BRI3BP: variants seen among roughly 807,000 people sequenced by gnomAD.
BRI3BP encodes the protein BRI3-binding protein.
Under a neutral mutation model 15.8 loss-of-function variants are expected in BRI3BP, and 7 were observed. The observed-to-expected ratio is 0.44, with a 90% CI of 0.25 to 0.83. The LOEUF is 0.83. BRI3BP is among the 40% of genes least tolerant of loss of function. BRI3BP has a pLI of 0.20. For synonymous variants in BRI3BP, 192 were observed against 163.5 expected (o/e 1.17, Z -1.33); for missense variants, 320 against 339.3 (o/e 0.94, Z 0.45).
At chr12:125,013,423 C>T (rs938862093) in intron 2 of BRI3BP, among the ~76,000 whole-genome samples, 2 of 152,182 alleles carry the variant, frequency 1.3e-5, no homozygotes, top group African/African-American at 4.8e-5. Flanking sequence ...GACCAGGAGG[C>T]CACTGCTGCC....
At chr12:125,022,225 G>A (rs115375349) in intron 2 of BRI3BP, among the ~76,000 whole-genome samples, 299 of 152,184 alleles carry the variant, frequency 2.0e-3, no homozygotes, top group African/African-American at 6.3e-3. Context: ...TTTGAGAACT[G>A]CTTGTGTGAG....
intron 2 of BRI3BP, among the ~76,000 whole-genome samples, chr12:125,022,541 A>ATTTATTTATTTTATTTTATT: frequency 1.4e-5 from 2 of 139,404 alleles, no homozygotes; most frequent in African/African-American, 5.8e-5. Context: ...TTATTTATTT[A>ATTTATTTATTTTATTTTATT]TTTTTTGAGA....
chr12:124,995,272 G>T (rs1955030991), intron 1 of BRI3BP, among the ~76,000 whole-genome samples: 1 of 152,224 alleles, frequency 6.6e-6, no homozygotes, highest in Admixed American at 6.5e-5. Context: ...AAGCAGGGCT[G>T]AACGCCTGAA....
rs1055629014 is a variant in BRI3BP at position 125,029,835 on chromosome 12, G to A, written c.*4405G>A. 6.6e-6 allele frequency: 1 copy of A among 152,384 alleles called. No individual in the cohort carries two copies. Among genetic ancestry groups the A allele is most frequent in the Non-Finnish European group, 1.5e-5 (1 of 68,072 alleles). The allele number at this position is 152,384 out of a possible 1,614,324, so 9.4% of individuals were successfully genotyped here. On this transcript the variant is annotated 3_prime_UTR_variant, in exon 3 of 3. Coordinates refer to ENST00000341446, the MANE Select transcript of BRI3BP (RefSeq NM_080626.6). The stretch of plus-strand genomic sequence containing the variant: ...CGGGAGGCAGCGATGTCAGGGAACT[G>A]GGACTATGTCTTTATGACTGTGATG...
chr12:125,047,763 C>T, the BRI3BP span, among the ~76,000 whole-genome samples: 4,520 of 152,196 alleles, frequency 0.03, 90 homozygotes, highest in Admixed American at 0.047. Flanking sequence ...GTGGCGCAAT[C>T]TGGGCTCACT....
At chr12:125,034,772 T>C (rs1361359717), downstream of BRI3BP, among the ~76,000 whole-genome samples, 1 of 152,106 alleles carries the variant, frequency 6.6e-6, no homozygotes, top group Admixed American at 6.6e-5. Context: ...GTATTTTTAG[T>C]AGAGACGGGG....
chr12:125,019,884 C>A (rs1393121369), intron 2 of BRI3BP, among the ~76,000 whole-genome samples: 2 of 150,958 alleles, frequency 1.3e-5, no homozygotes, highest in East Asian at 3.9e-4. Context: ...TTTGTGTTAA[C>A]CTATTGTCTT....
intron 2 of BRI3BP, among the ~76,000 whole-genome samples, chr12:125,021,535 T>C (rs957991743): frequency 6.6e-6 from 1 of 152,186 alleles, no homozygotes; most frequent in Non-Finnish European, 1.5e-5. Context: ...AGATCCTATC[T>C]GTATTTGCTG....
chr12:125,002,450 T>G (rs11057972), intron 1 of BRI3BP, among the ~76,000 whole-genome samples: 33 of 138,314 alleles, frequency 2.4e-4, no homozygotes, highest in Admixed American at 7.4e-4. Flanking sequence ...ACTGGTTTTT[T>G]TTTTTGTTTT....
downstream of BRI3BP, among the ~76,000 whole-genome samples, chr12:125,031,572 CTATTTTTTTTTT>C (rs1274706170): frequency 1.1e-5 from 1 of 93,958 alleles, no homozygotes; most frequent in Non-Finnish European, 2.0e-5. Flanking sequence ...CCTTTTCTTT[CTATTTTTTTTTT>C]TTTTTTTTTT....
chr12:125,026,917 A>T lies in BRI3BP; in HGVS notation c.*1487A>T, dbSNP rs1245597216. On this transcript the variant is annotated 3_prime_UTR_variant, in exon 3 of 3. Transcript: ENST00000341446. ...CGGTGAGCCGAGATCACGCCACTGC[A>T]CTCCAGCCTAGGCAACAGAGCAAGA... The T allele has an allele frequency of 6.6e-6, 1 of 150,562 alleles. No individual in the cohort carries two copies. 9.3% of individuals were successfully genotyped at this position (150,562 alleles called of 1,614,324 possible).
rs567086905 is a variant in BRI3BP at position 125,027,300 on chromosome 12, G to A, written c.*1870G>A. On this transcript the variant is annotated 3_prime_UTR_variant, in exon 3 of 3. Coordinates refer to ENST00000341446, the MANE Select transcript of BRI3BP (RefSeq NM_080626.6). ...CACATGATGGGACCCAAACTCTCCT[G>A]GAGAGTTCCATTCACTTCCTGAAAC... The A allele has an allele frequency of 2.6e-4, 39 of 152,198 alleles. No individual in the cohort carries two copies. Among genetic ancestry groups the A allele is most frequent in the African/African-American group, 8.9e-4 (37 of 41,534 alleles). 9.4% of individuals were successfully genotyped at this position (152,198 alleles called of 1,614,324 possible).
At chr12:125,022,541 A>ATTTATTTATTTATTTATTTATTTAT in intron 2 of BRI3BP, among the ~76,000 whole-genome samples, 1 of 139,404 alleles carries the variant, frequency 7.2e-6, no homozygotes, top group African/African-American at 2.9e-5. Flanking sequence ...TTATTTATTT[A>ATTTATTTATTTATTTATTTATTTAT]TTTTTTGAGA....
At chr12:125,050,169 G>A in the BRI3BP span, among the ~76,000 whole-genome samples, 2 of 152,064 alleles carry the variant, frequency 1.3e-5, no homozygotes, top group Non-Finnish European at 2.9e-5. Context: ...TGGCCAACAT[G>A]GCGAAACCCC....
chr12:125,019,757 G>T (rs1162828101), intron 2 of BRI3BP, among the ~76,000 whole-genome samples: 1 of 150,760 alleles, frequency 6.6e-6, no homozygotes, highest in Non-Finnish European at 1.5e-5. Context: ...AGATTTGGGG[G>T]CCAGGTCTCC....
chr12:124,999,557 G>T, intron 1 of BRI3BP, among the ~76,000 whole-genome samples: 1 of 151,668 alleles, frequency 6.6e-6, no homozygotes, highest in Non-Finnish European at 1.5e-5. Context: ...TCAAGTAGCT[G>T]GGATTACAGG....
Position 125,025,166 on chromosome 12 carries a change from C to T in BRI3BP, c.492C>T (p.Val164=). 5 of 1,614,154 alleles carry T rather than the reference C, an allele frequency of 3.1e-6. No homozygotes were observed. The highest frequency in any genetic ancestry group is 3.4e-6 in the Non-Finnish European group (4 of 1,180,048). The part of the protein sequence containing the change: ...FGRFFWIVRV[V]LFSMSCVYIL... ...GCTTCTTCTGGATCGTGCGGGTCGT[C>T]CTGTTTTCCATGTCCTGCGTGTACA... Residue 164 remains valine (V), a synonymous_variant, in exon 3 of 3, where the codon GTC becomes GTT. Coordinates refer to ENST00000341446, the MANE Select transcript of BRI3BP (RefSeq NM_080626.6).
At chr12:124,995,911 TCTTTC>T (rs1291400529) in intron 1 of BRI3BP, among the ~76,000 whole-genome samples, 5 of 152,128 alleles carry the variant, frequency 3.3e-5, no homozygotes, top group African/African-American at 9.7e-5. Flanking sequence ...TGACCTGACT[TCTTTC>T]CTTTTTGTTT....
chr12:125,044,271 G>A, the BRI3BP span, among the ~76,000 whole-genome samples: 1 of 152,062 alleles, frequency 6.6e-6, no homozygotes, highest in Non-Finnish European at 1.5e-5. Flanking sequence ...TCCTGCCTCA[G>A]CCTCCTGAGT....
Sources: gnomAD v4.1 joint callset for allele counts (sites outside exome capture counted in the v4.1 genomes callset) on GRCh38, gnomAD v4.1.1 for gene constraint, MANE v1.5 for transcripts, NCBI Gene and HGNC (gene_info 2026-07-23, HGNC 2026-07-21) for gene names.